The following NDFIP2 variants were observed in gnomAD, a reference collection of about 807,000 sequenced individuals.
NDFIP2 encodes the protein Nedd4 family interacting protein 2.
A neutral mutation model predicts 36.0 loss-of-function variants in NDFIP2; 19 were observed. That is an observed-to-expected ratio of 0.53 (90% CI 0.37 to 0.77). NDFIP2 has a LOEUF of 0.77. Among genes scored for constraint, NDFIP2 ranks in the 30% least tolerant of loss-of-function variants. The pLI is 0.00. For synonymous variants in NDFIP2, 181 were observed against 167.7 expected (o/e 1.08, Z -0.61); for missense variants, 446 against 435.8 (o/e 1.02, Z -0.21).
chr13:79,545,068 A>G (rs538764409), intron 5 of NDFIP2, among the ~76,000 whole-genome samples: 8 of 152,282 alleles, frequency 5.3e-5, no homozygotes, highest in Non-Finnish European at 1.2e-4. Flanking sequence ...CCTTATAGAA[A>G]TTATTATTAA....
chr13:79,521,179 ATATAACC>A (rs1874568238), intron 2 of NDFIP2, among the ~76,000 whole-genome samples: 1 of 152,128 alleles, frequency 6.6e-6, no homozygotes, highest in Non-Finnish European at 1.5e-5. Flanking sequence ...GTACGTACTT[ATATAACC>A]ATAAAACAAG....
chr13:79,488,525 T>G (rs1873106088), intron 1 of NDFIP2, among the ~76,000 whole-genome samples: 1 of 152,196 alleles, frequency 6.6e-6, no homozygotes, highest in East Asian at 1.9e-4. Flanking sequence ...GTATTGGAAT[T>G]GTATCATGAA....
At chr13:79,510,089 C>T (rs1446488253) in intron 1 of NDFIP2, among the ~76,000 whole-genome samples, 1 of 152,132 alleles carries the variant, frequency 6.6e-6, no homozygotes, top group East Asian at 1.9e-4. Flanking sequence ...GGAGTCCATT[C>T]AGATGGTTGG....
intron 2 of NDFIP2, among the ~76,000 whole-genome samples, chr13:79,524,899 C>T (rs1490400859): frequency 6.6e-6 from 1 of 152,138 alleles, no homozygotes; most frequent in East Asian, 1.9e-4. Context: ...GCCTTGATGC[C>T]TCCTTTGTAC....
intron 1 of NDFIP2, among the ~76,000 whole-genome samples, chr13:79,493,726 T>C (rs1294600475): frequency 6.6e-6 from 1 of 152,150 alleles, no homozygotes; most frequent in Non-Finnish European, 1.5e-5. Flanking sequence ...TAAGTTTCTT[T>C]TATTTATGGC....
chr13:79,534,359 T>TG (rs1352647339), intron 3 of NDFIP2, among the ~76,000 whole-genome samples: 19 of 148,496 alleles, frequency 1.3e-4, no homozygotes, highest in African/African-American at 2.2e-4. Context: ...TGTTTTTTTT[T>TG]TTTTTTTTTT....
At chr13:79,527,668 T>C (rs1404381277) in intron 2 of NDFIP2, among the ~76,000 whole-genome samples, 2 of 152,370 alleles carry the variant, frequency 1.3e-5, no homozygotes, top group East Asian at 1.9e-4. Flanking sequence ...ATGTACAGTA[T>C]ATAATACTTG....
chr13:79,532,868 A>G (rs746187445), intron 2 of NDFIP2, among the ~76,000 whole-genome samples: 1 of 152,240 alleles, frequency 6.6e-6, no homozygotes, highest in Non-Finnish European at 1.5e-5. Flanking sequence ...CAGAGATGCT[A>G]AGATCAATGT....
At chr13:79,490,895 A>G (rs139426058) in intron 1 of NDFIP2, among the ~76,000 whole-genome samples, 2 of 152,218 alleles carry the variant, frequency 1.3e-5, no homozygotes, top group Admixed American at 1.3e-4. Flanking sequence ...GTAGAAGAGA[A>G]TATAATACTC....
In NDFIP2 at chr13:79,481,498, C is replaced by G; in HGVS notation, c.295C>G (p.Gln99Glu). Reference protein sequence around the residue: ...DPEPGRMDHHQPGTGRYQVLL... With the variant: ...DPEPGRMDHHEPGTGRYQVLL... ...CGAGCCGGGCAGGATGGATCACCAC[C>G]AGCCGGGGACTGGGCGCTACCAGGT... Residue 99 changes from glutamine (Q) to glutamate (E), a missense_variant, in exon 1 of 8, where the codon CAG (glutamine) becomes GAG (glutamate). Gln to Glu is a conservative substitution (Grantham distance 29). Coordinates refer to ENST00000218652, the MANE Select transcript of NDFIP2 (RefSeq NM_019080.3). 2 of 1,556,108 alleles carry G rather than the reference C, an allele frequency of 1.3e-6. No homozygotes were observed.
At chr13:79,510,383 T>G (rs1036559321) in intron 1 of NDFIP2, among the ~76,000 whole-genome samples, 4 of 120,710 alleles carry the variant, frequency 3.3e-5, no homozygotes, top group Non-Finnish European at 6.5e-5. Context: ...ATTTTTTTTG[T>G]TTTTTTTTTT....
chr13:79,523,856 G>A (rs953649941), intron 2 of NDFIP2, among the ~76,000 whole-genome samples: 10 of 152,170 alleles, frequency 6.6e-5, no homozygotes, highest in South Asian at 4.1e-4. Context: ...TCACGATGTC[G>A]ATGAGTATGG....
chr13:79,493,277 A>T (rs981987341), intron 1 of NDFIP2, among the ~76,000 whole-genome samples: 2 of 152,216 alleles, frequency 1.3e-5, no homozygotes, highest in South Asian at 2.1e-4. Flanking sequence ...ATAAAGTGAT[A>T]TGTAGTTTTA....
chr13:79,547,034 A>T (rs1056934970), intron 5 of NDFIP2, among the ~76,000 whole-genome samples: 2 of 151,928 alleles, frequency 1.3e-5, no homozygotes, highest in East Asian at 1.9e-4. Flanking sequence ...AATCTCTGAA[A>T]TTACTATAAA....
At chr13:79,525,665 A>G (rs778010310) in intron 2 of NDFIP2, among the ~76,000 whole-genome samples, 60 of 152,198 alleles carry the variant, frequency 3.9e-4, no homozygotes, top group Admixed American at 1.1e-3. Flanking sequence ...GGACAAAGGG[A>G]TGATTCACAT....
intron 4 of NDFIP2, among the ~76,000 whole-genome samples, chr13:79,541,129 C>A (rs1412422114): frequency 3.3e-5 from 5 of 151,758 alleles, no homozygotes; most frequent in Non-Finnish European, 7.4e-5. Context: ...TTTTAAGAAA[C>A]CTTAATTAGA....
At chr13:79,547,103 A>G (rs950420645) in intron 5 of NDFIP2, among the ~76,000 whole-genome samples, 2 of 152,068 alleles carry the variant, frequency 1.3e-5, no homozygotes, top group South Asian at 2.1e-4. Flanking sequence ...TGAAATTACT[A>G]TAAATGGTTT....
At chr13:79,484,542 ATTTC>A (rs1440216513) in intron 1 of NDFIP2, among the ~76,000 whole-genome samples, 4 of 152,164 alleles carry the variant, frequency 2.6e-5, no homozygotes, top group Non-Finnish European at 5.9e-5. Context: ...AGTGATTTGG[ATTTC>A]TTTAACCTAG....
At chr13:79,508,194 G>T (rs1873943350) in intron 1 of NDFIP2, among the ~76,000 whole-genome samples, 1 of 152,234 alleles carries the variant, frequency 6.6e-6, no homozygotes, top group South Asian at 2.1e-4. Context: ...TACAAATATT[G>T]CTGCCTTGAA....
Sources: allele counts gnomAD v4.1 joint callset (sites outside exome capture counted in the v4.1 genomes callset), GRCh38; gene constraint gnomAD v4.1.1; transcripts MANE v1.5; gene names NCBI Gene and HGNC (gene_info 2026-07-23, HGNC 2026-07-21).